Variants in POGLUT1 observed in about 807,000 individuals in gnomAD.
POGLUT1 encodes 9630046K23Rik.
A neutral mutation model predicts 61.3 loss-of-function variants in POGLUT1; 32 were observed. That is an observed-to-expected ratio of 0.52 (90% CI 0.39 to 0.70). The LOEUF (loss-of-function observed/expected upper bound fraction) is 0.70. Among genes scored for constraint, POGLUT1 ranks in the 30% least tolerant of loss-of-function variants. The pLI is 0.00. For missense variants in POGLUT1, 411 were observed against 469.8 expected (o/e 0.87, Z 1.16); for synonymous variants, 158 against 158.2 (o/e 1.00, Z 0.01).
intron 10 of POGLUT1, 144 bp from the exon 11 acceptor site, chr3:119,492,138 C>G (rs2107719680): frequency 2.1e-6 from 1 of 474,126 alleles, no homozygotes; most frequent in South Asian, 4.6e-5. Flanking sequence ...ATATGATTGC[C>G]ATAGGGTTGG....
chr3:119,469,145 G>C, intron 1 of POGLUT1, 39 bp downstream of exon 1: 1 of 1,506,120 alleles, frequency 6.6e-7, no homozygotes, highest in Non-Finnish European at 9.0e-7. Flanking sequence ...CCTTGGGCTC[G>C]GGGTCTGGCC....
At chr3:119,470,552 G>C (rs9849932) in intron 2 of POGLUT1, among the ~76,000 whole-genome samples, 295 of 152,238 alleles carry the variant, frequency 1.9e-3, no homozygotes, top group African/African-American at 6.6e-3. Flanking sequence ...CCCCAGCCTG[G>C]GTGACAGAGT....
Position 119,486,830 on chromosome 3 carries a change from T to A in POGLUT1, c.639-3T>A, listed in dbSNP as rs766625208. The A allele has an allele frequency of 1.2e-6, 2 of 1,603,530 alleles. No homozygotes were observed. Among genetic ancestry groups the A allele is most frequent in the South Asian group, 1.1e-5 (1 of 90,592 alleles). On this transcript the variant is annotated splice_region_variant and splice_polypyrimidine_tract_variant and intron_variant, in intron 6 of 10. Coordinates refer to ENST00000295588, the MANE Select transcript of POGLUT1 (RefSeq NM_152305.3). ...AGTTTTATGTCACGTGTTTCTTTTA[T>A]AGGACAAGTCCAGAACGAGATCCTC...
intron 6 of POGLUT1, among the ~76,000 whole-genome samples, 169 bp downstream of exon 6, chr3:119,485,556 A>G (rs74730776): frequency 1.9e-3 from 294 of 152,394 alleles, no homozygotes; most frequent in African/African-American, 6.7e-3. Context: ...TATTTGCCGA[A>G]ATCGCCATTG....
At position 119,486,553 on chromosome 3, in the gene POGLUT1, G is replaced by A. The variant is rs1056836525; in HGVS notation, c.639-280G>A. Reference sequence around the variant, plus strand: ...TTCCTAAAAGGGAAATCATTCCCTGGGATTTGACTATAGTGACCTGAACAA... The same window carrying A: ...TTCCTAAAAGGGAAATCATTCCCTGAGATTTGACTATAGTGACCTGAACAA... On this transcript the variant is annotated intron_variant, in intron 6 of 10. Transcript: ENST00000295588. 2.0e-5 allele frequency among the ~76,000 whole-genome samples: 3 copies of A among 152,094 alleles called. No homozygotes were observed. In the East Asian group the frequency reaches 5.8e-4, roughly 29 times the overall value.
chr3:119,477,267 C>A lies in POGLUT1; in HGVS notation c.321-46C>A, dbSNP rs760966363. 4.4e-6 allele frequency: 7 copies of A among 1,600,750 alleles called. No individual in the cohort carries two copies. In the East Asian group the frequency reaches 1.3e-4, roughly 31 times the overall value. The stretch of plus-strand genomic sequence containing the variant: ...AATGGGACCTCGCCTTGTCCTAGAG[C>A]CTGCAGGCACTACTCTGCTGAATTT... On this transcript the variant is annotated intron_variant, in intron 3 of 10. Transcript: ENST00000295588.
chr3:119,487,621 T>C (rs937031799), intron 7 of POGLUT1, among the ~76,000 whole-genome samples: 1 of 152,012 alleles, frequency 6.6e-6, no homozygotes, highest in African/African-American at 2.4e-5. Flanking sequence ...TAATAAAAAA[T>C]AAAAACTTTA....
At chr3:119,471,215 T>C in intron 2 of POGLUT1, 94 bp from the exon 3 acceptor site, 2 of 1,087,180 alleles carry the variant, frequency 1.8e-6, no homozygotes, top group Non-Finnish European at 1.4e-6. Flanking sequence ...ACTTACTGTG[T>C]TCTCTAATAC....
Position 119,483,294 on chromosome 3 carries a change from G to T in POGLUT1, c.579-2034G>T, listed in dbSNP as rs543353997. 2.0e-5 allele frequency among the ~76,000 whole-genome samples: 3 copies of T among 152,322 alleles called. No individual in the cohort carries two copies. The South Asian group carries it at 6.2e-4, about 32-fold the overall frequency. On this transcript the variant is annotated intron_variant, in intron 5 of 10. Coordinates refer to ENST00000295588, the MANE Select transcript of POGLUT1 (RefSeq NM_152305.3). ...ACCTAAAAGTCCATCAATAAAGGAT[G>T]AAGTGAATCATAACATGACTATAAA...
intron 3 of POGLUT1, among the ~76,000 whole-genome samples, chr3:119,474,400 CT>C (rs959346383): frequency 2.6e-5 from 4 of 152,166 alleles, no homozygotes; most frequent in African/African-American, 9.7e-5. Context: ...CCTTCTGCCT[CT>C]TTGCATTCCC....
chr3:119,475,537 G>T (rs2081524571), intron 3 of POGLUT1, among the ~76,000 whole-genome samples: 1 of 152,204 alleles, frequency 6.6e-6, no homozygotes, highest in South Asian at 2.1e-4. Context: ...AATAGGCTGG[G>T]TGAGGTGGCT....
chr3:119,483,920 C>G (rs2081634898), intron 5 of POGLUT1, among the ~76,000 whole-genome samples: 1 of 152,224 alleles, frequency 6.6e-6, no homozygotes, highest in African/African-American at 2.4e-5. Context: ...AAATTCTCGG[C>G]TAAAATGTTA....
rs770241405 is a variant in POGLUT1, at chr3:119,468,972, C to T, written c.-50C>T. On this transcript the variant is annotated 5_prime_UTR_variant, in exon 1 of 11. Transcript: ENST00000295588. ...CTCCCGGGCCATCTTTGTGCGGGGC[C>T]GCGCTTCCGCCAGCGCCGCAGCGGG... 4.0e-6 allele frequency: 6 copies of T among 1,511,610 alleles called. No individual in the cohort carries two copies. The highest frequency in any genetic ancestry group is 5.4e-6 in the Non-Finnish European group (6 of 1,109,710). 93.6% of individuals were successfully genotyped at this position (1,511,610 alleles called of 1,614,324 possible).
rs764990612 is a variant in POGLUT1, at chr3:119,469,072, C to T, written c.51C>T (p.Leu17=). ...TTCGGCTCTGGCTGCTGTTGTTCCT[C>T]CTGCCCTCAGCGCAGGGCCGCCAGA... ...SPLRLWLLLF[L]LPSAQGRQKE... The change falls in exon 1 of 11, where the codon CTC becomes CTT. Residue 17 remains leucine, a synonymous_variant. Coordinates refer to ENST00000295588, the MANE Select transcript of POGLUT1 (RefSeq NM_152305.3). 1.2e-6 allele frequency: 2 copies of T among 1,609,324 alleles called. No individual in the cohort carries two copies. Among genetic ancestry groups the T allele is most frequent in the Admixed American group, 1.7e-5 (1 of 59,856 alleles).
chr3:119,473,469 A>G (rs954362760), intron 3 of POGLUT1, among the ~76,000 whole-genome samples: 1 of 152,168 alleles, frequency 6.6e-6, no homozygotes, highest in Admixed American at 6.5e-5. Context: ...TAGCAATAAA[A>G]TAATATATAT....
chr3:119,484,920 G>C (rs1005702418), intron 5 of POGLUT1, among the ~76,000 whole-genome samples: 1 of 152,164 alleles, frequency 6.6e-6, no homozygotes, highest in Non-Finnish European at 1.5e-5. Context: ...GACTTACTTA[G>C]AAATATGAAG....
intron 5 of POGLUT1, among the ~76,000 whole-genome samples, chr3:119,484,805 A>T (rs1003792544): frequency 6.6e-6 from 1 of 152,120 alleles, no homozygotes; most frequent in Admixed American, 6.6e-5. Context: ...GTTAATGGGG[A>T]GTAGATTTGT....
At position 119,477,793 on chromosome 3, in the gene POGLUT1, C is replaced by T. The variant is rs542360201; in HGVS notation, c.456+345C>T. 2.6e-5 allele frequency among the ~76,000 whole-genome samples: 4 copies of T among 152,290 alleles called. No homozygotes were observed. The East Asian group carries it at 7.7e-4, about 29-fold the overall frequency. On this transcript the variant is annotated intron_variant, in intron 4 of 10. Coordinates refer to ENST00000295588, the MANE Select transcript of POGLUT1 (RefSeq NM_152305.3). ...CAAGAAAGCTTGGAGTTAGGGAACA[C>T]CTTCATTCCAAAAGTTTGTTGAGCT...
chr3:119,469,379 T>C, intron 1 of POGLUT1: 1 of 574,878 alleles, frequency 1.7e-6, no homozygotes, highest in Non-Finnish European at 3.1e-6. Context: ...TGGCCCGTGC[T>C]TGGCTACTCT....
Sources: allele counts gnomAD v4.1 joint callset (sites outside exome capture counted in the v4.1 genomes callset), GRCh38; gene constraint gnomAD v4.1.1; transcripts MANE v1.5; gene names NCBI Gene and HGNC (gene_info 2026-07-23, HGNC 2026-07-21).